Variants in TOP1 observed in about 807,000 individuals in gnomAD.
TOP1 encodes the protein DNA topoisomerase I, also known as DNA topoisomerase 1.
In TOP1, 10 loss-of-function variants were observed where a neutral mutation model predicts 111.1. The ratio of observed to expected loss-of-function variants is 0.09; its 90% CI spans 0.06 to 0.15. The LOEUF is 0.15. TOP1 is among the 10% of genes least tolerant of loss of function. TOP1 has a pLI of 1.00. For missense variants in TOP1, 474 were observed against 926.7 expected, an observed-to-expected ratio of 0.51 and a Z score of 6.34; for synonymous variants, 271 against 302.9, an observed-to-expected ratio of 0.89 and a Z score of 1.10.
Position 41,029,627 on chromosome 20 carries a change from G to A in TOP1, c.58+172G>A, listed in dbSNP as rs1463455057. 1 of 678,128 alleles carries A rather than the reference G, an allele frequency of 1.5e-6. No individual in the cohort carries two copies. The highest frequency in any genetic ancestry group is 2.7e-6 in the Non-Finnish European group (1 of 375,168). The allele number at this position is 678,128 out of a possible 1,614,324, so 42.0% of individuals were successfully genotyped here. A position where few individuals can be genotyped will look rare whatever the true frequency, so the allele number is the denominator to read the frequency against. ...GCCGCCTCTTGACCCCCTTTCCGGG[G>A]ACCCCAGCTCCTCCAGATCCCGGCC... On this transcript the variant is annotated intron_variant, in intron 2 of 20. Transcript: ENST00000361337. The surrounding 1 kb of genome is among the most constrained non-coding windows in gnomAD (Gnocchi z 6.1).
chr20:41,062,141 G>C (rs1330138614), intron 3 of TOP1, among the ~76,000 whole-genome samples: 1 of 152,138 alleles, frequency 6.6e-6, no homozygotes, highest in Non-Finnish European at 1.5e-5. Context: ...GTTAAATCTA[G>C]TTATTGAAAA....
rs2034310415 is a variant in TOP1 at position 41,115,226 on chromosome 20, G to A, written c.1639-145G>A. ...GCACACTGTGCAAATGATGAATGGG[G>A]TAAAATGTTAACAGTGAATCTCGGT... On this transcript the variant is annotated intron_variant, in intron 15 of 20. Transcript: ENST00000361337. The surrounding 1 kb of genome is among the most constrained non-coding windows in gnomAD (Gnocchi z 6.3). 1 of 596,512 alleles carries A rather than the reference G, an allele frequency of 1.7e-6. No homozygotes were observed. The highest frequency in any genetic ancestry group is 3.0e-6 in the Non-Finnish European group (1 of 332,510). 37.0% of individuals were successfully genotyped at this position (596,512 alleles called of 1,614,324 possible). A position where few individuals can be genotyped will look rare whatever the true frequency, so the allele number is the denominator to read the frequency against.
At chr20:41,039,351 T>G (rs1232023708) in intron 2 of TOP1, among the ~76,000 whole-genome samples, 1 of 152,168 alleles carries the variant, frequency 6.6e-6, no homozygotes, top group Non-Finnish European at 1.5e-5. Flanking sequence ...AATATTTCAC[T>G]ATCAGTGCAA....
intron 2 of TOP1, among the ~76,000 whole-genome samples, chr20:41,038,519 G>A (rs2033217834): frequency 6.6e-6 from 1 of 152,080 alleles, no homozygotes; most frequent in African/African-American, 2.4e-5. Flanking sequence ...TTTTAACCAA[G>A]CTGGAGGGGT....
Position 41,073,427 on chromosome 20 carries a change from A to G in TOP1, c.156-2744A>G, listed in dbSNP as rs988896650. Reference sequence around the variant, plus strand: ...GAAAAGAAAAGAAACAAGCAACCCCAAAGGTTTTTATCCTTTCAGGTATCC... The same window carrying G: ...GAAAAGAAAAGAAACAAGCAACCCCGAAGGTTTTTATCCTTTCAGGTATCC... On this transcript the variant is annotated intron_variant, in intron 3 of 20. Transcript: ENST00000361337. 2.2e-5 allele frequency: 22 copies of G among 985,154 alleles called. 1 individual carries two copies. The Admixed American group carries it at 8.0e-4, about 36-fold the overall frequency. 61.0% of individuals were successfully genotyped at this position (985,154 alleles called of 1,614,324 possible). A position where few individuals can be genotyped will look rare whatever the true frequency, so the allele number is the denominator to read the frequency against.
chr20:41,108,142 A>G (rs552326447), intron 13 of TOP1, among the ~76,000 whole-genome samples: 2 of 152,322 alleles, frequency 1.3e-5, no homozygotes, highest in South Asian at 2.1e-4. Context: ...GGTCGGCTAT[A>G]TGGGAAGCTG....
At position 41,095,074 on chromosome 20, in the gene TOP1, CAG is replaced by C. The variant is rs1342462007; in HGVS notation, c.731-2143_731-2142del. Among the ~76,000 whole-genome samples the C allele has an allele frequency of 1.3e-5, 2 of 152,106 alleles. No individual in the cohort carries two copies. Among genetic ancestry groups the C allele is most frequent in the Non-Finnish European group, 2.9e-5 (2 of 68,022 alleles). On this transcript the variant is annotated intron_variant, in intron 9 of 20. Coordinates refer to ENST00000361337, the MANE Select transcript of TOP1 (RefSeq NM_003286.4). The surrounding 1 kb of genome is among the most constrained non-coding windows in gnomAD (Gnocchi z 4.6). ...TATTTTTATATTTATTTATTTGAGA[CAG>C]AGTCACACTCTGTCACCCAGGCTGG... is the stretch of plus-strand genomic sequence containing the variant.
At position 41,032,047 on chromosome 20, in the gene TOP1, A is replaced by C. The variant is rs6129731; in HGVS notation, c.58+2592A>C. 0.43 allele frequency among the ~76,000 whole-genome samples: 65,973 copies of C among 152,032 alleles called. 16,416 individuals are homozygous for C. Among genetic ancestry groups the C allele is most frequent in the East Asian group, 0.82 (4,237 of 5,172 alleles). On this transcript the variant is annotated intron_variant, in intron 2 of 20. Transcript: ENST00000361337. This position sits in a 1 kb window ranked among gnomAD's most constrained non-coding sequence, Gnocchi z 4.3. ...GATTGATTTATGTAACTATGAAAAA[A>C]ACTTTAAAAAAAGTAGAAATCAATG...
rs1183148341 is a variant in TOP1, at chr20:41,116,146, T to C, written c.1708-132T>C. ...TGTATTCTGGAATTCTTTTCCTCTT[T>C]CCCTAACTTCCCACTTGTAGGGCAA... On this transcript the variant is annotated intron_variant, in intron 16 of 20. Coordinates refer to ENST00000361337, the MANE Select transcript of TOP1 (RefSeq NM_003286.4). The surrounding 1 kb of genome is among the most constrained non-coding windows in gnomAD (Gnocchi z 5.6). The C allele has an allele frequency of 1.6e-6, 1 of 613,140 alleles. No homozygotes were observed. The highest frequency in any genetic ancestry group is 1.8e-5 in the African/African-American group (1 of 54,192). The allele number at this position is 613,140 out of a possible 1,614,324, so 38.0% of individuals were successfully genotyped here.
Position 41,078,394 on chromosome 20 carries a change from A to G in TOP1, c.335+757A>G, listed in dbSNP as rs1366997451. 6.6e-6 allele frequency among the ~76,000 whole-genome samples: 1 copy of G among 152,190 alleles called. No individual in the cohort carries two copies. Among genetic ancestry groups the G allele is most frequent in the Non-Finnish European group, 1.5e-5 (1 of 68,036 alleles). ...ATTAGAAATGGTTGTAAGTGTTTGC[A>G]TTATTGACTGGGACAAAACACTTTG... On this transcript the variant is annotated intron_variant, in intron 5 of 20. Coordinates refer to ENST00000361337, the MANE Select transcript of TOP1 (RefSeq NM_003286.4). The surrounding 1 kb of genome is among the most constrained non-coding windows in gnomAD (Gnocchi z 5.3).
chr20:41,070,375 TC>T (rs1292959091), intron 3 of TOP1, among the ~76,000 whole-genome samples: 1 of 152,188 alleles, frequency 6.6e-6, no homozygotes, highest in Non-Finnish European at 1.5e-5. Context: ...TTTTGATACT[TC>T]TATAATATAA....
At position 41,080,103 on chromosome 20, in the gene TOP1, T is replaced by C; in HGVS notation, c.354T>C (p.Asp118=). ...NGFSSPPQIK[D]EPEDDGYFVP... ...TCTTTAGTCCACCACAAATTAAAGATGAACCTGAAGATGATGGCTATTTTG... is the reference window on the plus strand; with the variant it reads ...TCTTTAGTCCACCACAAATTAAAGACGAACCTGAAGATGATGGCTATTTTG... The change falls in exon 6 of 21, where the codon GAT becomes GAC. Residue 118 remains aspartate (D), a synonymous_variant. Coordinates refer to ENST00000361337, the MANE Select transcript of TOP1 (RefSeq NM_003286.4). The surrounding 1 kb of genome is among the most constrained non-coding windows in gnomAD (Gnocchi z 5.0). The C allele has an allele frequency of 6.2e-7, 1 of 1,611,112 alleles. No homozygotes were observed. The highest frequency in any genetic ancestry group is 1.3e-5 in the African/African-American group (1 of 74,934).
rs1270176557 is a variant in TOP1, at chr20:41,114,197, T to C, written c.1638+42T>C. On this transcript the variant is annotated intron_variant, in intron 15 of 20. Transcript: ENST00000361337. The surrounding 1 kb of genome is among the most constrained non-coding windows in gnomAD (Gnocchi z 4.5). Reference sequence around the variant, plus strand: ...GTACTGTCTGACTTGTTTTCCATTATTCAACAAGCATGGGTTGACTGCTTT... The same window carrying C: ...GTACTGTCTGACTTGTTTTCCATTACTCAACAAGCATGGGTTGACTGCTTT... 2.6e-6 allele frequency: 4 copies of C among 1,546,588 alleles called. No individual in the cohort carries two copies. Among genetic ancestry groups the C allele is most frequent in the Non-Finnish European group, 3.5e-6 (4 of 1,131,670 alleles).
At chr20:41,063,779 TG>T (rs1011861764) in intron 3 of TOP1, among the ~76,000 whole-genome samples, 14 of 151,638 alleles carry the variant, frequency 9.2e-5, no homozygotes, top group African/African-American at 3.4e-4. Flanking sequence ...TGTTTTTTAA[TG>T]GGGTTACTTG....
chr20:41,029,402 T>C lies in TOP1; in HGVS notation c.34-29T>C, dbSNP rs2033086231. On this transcript the variant is annotated intron_variant, in intron 1 of 20. Coordinates refer to ENST00000361337, the MANE Select transcript of TOP1 (RefSeq NM_003286.4). This position sits in a 1 kb window ranked among gnomAD's most constrained non-coding sequence, Gnocchi z 6.1. ...GCCGGAGGGGTTAAAGTGGCTGTTGTTTGATATTCTCTCCTTTTCTTTTTC... is the reference window on the plus strand; with the variant it reads ...GCCGGAGGGGTTAAAGTGGCTGTTGCTTGATATTCTCTCCTTTTCTTTTTC... 8 of 1,460,190 alleles carry C rather than the reference T, an allele frequency of 5.5e-6. No individual in the cohort carries two copies. The East Asian group carries it at 8.1e-5, about 15-fold the overall frequency. 90.5% of individuals were successfully genotyped at this position (1,460,190 alleles called of 1,614,324 possible).
Position 41,109,094 on chromosome 20 carries a change from A to G in TOP1, c.1309-3688A>G, listed in dbSNP as rs1258072870. 6.6e-6 allele frequency among the ~76,000 whole-genome samples: 1 copy of G among 152,186 alleles called. No homozygotes were observed. Among genetic ancestry groups the G allele is most frequent in the African/African-American group, 2.4e-5 (1 of 41,442 alleles). ...ACACTTCTGCCTTTTTTCTCTTTAGAGTCTAGAATTCTGTGGGGTTCCAAA... is the reference window on the plus strand; with the variant it reads ...ACACTTCTGCCTTTTTTCTCTTTAGGGTCTAGAATTCTGTGGGGTTCCAAA... On this transcript the variant is annotated intron_variant, in intron 13 of 20. Coordinates refer to ENST00000361337, the MANE Select transcript of TOP1 (RefSeq NM_003286.4). The surrounding 1 kb of genome is among the most constrained non-coding windows in gnomAD (Gnocchi z 4.1).
At chr20:41,072,410 C>T (rs1236919723) in intron 3 of TOP1, 1 of 985,212 alleles carries the variant, frequency 1.0e-6, no homozygotes, top group East Asian at 1.1e-4. Context: ...CAAACATATC[C>T]TAAGCCTTTT....
intron 13 of TOP1, among the ~76,000 whole-genome samples, chr20:41,107,445 G>A (rs2034164123): frequency 6.6e-6 from 1 of 152,070 alleles, no homozygotes; most frequent in Admixed American, 6.5e-5. Flanking sequence ...CATTTTGGGT[G>A]AGTTGTAGCA....
chr20:41,103,328 T>C (rs910063006), intron 13 of TOP1, among the ~76,000 whole-genome samples: 1 of 152,188 alleles, frequency 6.6e-6, no homozygotes, highest in African/African-American at 2.4e-5. Flanking sequence ...CTAACTTAGA[T>C]CTTCTTAGAA....
Sources: gnomAD v4.1 joint callset for allele counts (sites outside exome capture counted in the v4.1 genomes callset) on GRCh38, gnomAD v4.1.1 for gene constraint, Gnocchi (gnomAD v3.1) non-coding constraint, MANE v1.5 for transcripts, NCBI Gene and HGNC (gene_info 2026-07-23, HGNC 2026-07-21) for gene names.